The following PLCE1 variants were observed in gnomAD, a reference collection of about 807,000 sequenced individuals.
PLCE1 encodes phospholipase C epsilon 1, also known as 1-phosphatidylinositol 4,5-bisphosphate phosphodiesterase epsilon-1.
PLCE1 carries 119 observed loss-of-function variants against 242.8 expected under a neutral mutation model. That is an observed-to-expected ratio of 0.49 (90% CI 0.42 to 0.57). The LOEUF is 0.57. Ranked by LOEUF, PLCE1 falls within the 20% of genes least tolerant of loss-of-function variation. The pLI is 0.00. For synonymous variants in PLCE1, 945 were observed against 1,017.4 expected (o/e 0.93, Z 1.35); for missense variants, 2,441 against 2,788.8 (o/e 0.88, Z 2.81).
At chr10:94,066,804 A>G (rs778577509) in intron 2 of PLCE1, among the ~76,000 whole-genome samples, 2 of 152,160 alleles carry the variant, frequency 1.3e-5, no homozygotes, top group Non-Finnish European at 2.9e-5. Context: ...GATGACACAC[A>G]ATTTCATGGT....
chr10:94,140,103 C>T (rs2046907222), intron 3 of PLCE1, among the ~76,000 whole-genome samples: 2 of 151,870 alleles, frequency 1.3e-5, no homozygotes, highest in South Asian at 4.2e-4. Flanking sequence ...CTAAACTGTT[C>T]ATTTTTAACC....
At chr10:94,080,516 G>A (rs566215631) in intron 2 of PLCE1, among the ~76,000 whole-genome samples, 1 of 152,328 alleles carries the variant, frequency 6.6e-6, no homozygotes, top group South Asian at 2.1e-4. Flanking sequence ...TATTTGTGCA[G>A]TGAATGAACA....
At chr10:94,112,184 A>T (rs1326859932) in intron 2 of PLCE1, among the ~76,000 whole-genome samples, 4 of 152,180 alleles carry the variant, frequency 2.6e-5, no homozygotes, top group East Asian at 3.8e-4. Context: ...AATAAAATTT[A>T]AAATATTCTT....
chr10:94,291,815 C>T (rs554204393), intron 22 of PLCE1, among the ~76,000 whole-genome samples: 8 of 152,088 alleles, frequency 5.3e-5, no homozygotes, highest in Non-Finnish European at 8.8e-5. Context: ...AGTGAGCCAA[C>T]GGGGTAGATG....
chr10:94,166,234 A>T (rs1263841065), intron 3 of PLCE1, among the ~76,000 whole-genome samples: 2 of 152,160 alleles, frequency 1.3e-5, no homozygotes, highest in African/African-American at 4.8e-5. Context: ...GTTTCAGTAC[A>T]TATACATTTA....
At chr10:94,197,922 G>T (rs2048870758) in intron 4 of PLCE1, among the ~76,000 whole-genome samples, 1 of 138,568 alleles carries the variant, frequency 7.2e-6, no homozygotes, top group Non-Finnish European at 1.5e-5. Flanking sequence ...GGCGGAGGTT[G>T]CAGTGAGCCA....
At chr10:94,157,018 G>A (rs576174297) in intron 3 of PLCE1, among the ~76,000 whole-genome samples, 1 of 152,162 alleles carries the variant, frequency 6.6e-6, no homozygotes, top group East Asian at 1.9e-4. Context: ...TTTGGGGGGC[G>A]AGGTCTTTTT....
At position 94,306,570 on chromosome 10, in the gene PLCE1, G is replaced by C; in HGVS notation, c.5766G>C (p.Glu1922Asp). 6.2e-7 allele frequency: 1 copy of C among 1,614,098 alleles called. No homozygotes were observed. The highest frequency in any genetic ancestry group is 1.3e-5 in the African/African-American group (1 of 75,042). Residue 1922 changes from glutamate (E) to aspartate (D), a missense_variant, in exon 26 of 33, where the codon GAG (glutamate) becomes GAC (aspartate). Around this residue, in one of 5 missense-constraint regions of PLCE1, gnomAD observed 1,004 missense variants for 1,322.7 expected, o/e 0.76. Coordinates refer to ENST00000371380, the MANE Select transcript of PLCE1 (RefSeq NM_016341.4). This position sits in a 1 kb window ranked among gnomAD's most constrained non-coding sequence, Gnocchi z 5.7. ...ACACCCTGAACCCCATGTGGAACGA[G>C]CAGTTTCTGTTCCACGTTCACTTCG... ...HRNTLNPMWN[E>D]QFLFHVHFED...
chr10:94,000,883 A>G (rs2060918210), intron 1 of PLCE1, among the ~76,000 whole-genome samples: 1 of 152,174 alleles, frequency 6.6e-6, no homozygotes, highest in Non-Finnish European at 1.5e-5. Context: ...CCTATGAGAC[A>G]TTTTGTCTTT....
intron 22 of PLCE1, among the ~76,000 whole-genome samples, chr10:94,291,081 T>C (rs563925196): frequency 3.3e-5 from 5 of 152,324 alleles, no homozygotes; most frequent in Non-Finnish European, 5.9e-5. Context: ...ATTTCAAAGC[T>C]TCCAGACAGA....
chr10:94,290,056 T>C (rs2052592298), intron 22 of PLCE1, among the ~76,000 whole-genome samples: 1 of 152,084 alleles, frequency 6.6e-6, no homozygotes, highest in Admixed American at 6.5e-5. Flanking sequence ...AGACCTGGCC[T>C]TGCTCTGTCA....
intron 2 of PLCE1, among the ~76,000 whole-genome samples, chr10:94,122,140 G>A (rs975623775): frequency 4.6e-5 from 7 of 152,200 alleles, no homozygotes; most frequent in Admixed American, 1.3e-4. Flanking sequence ...ACAGCTTAGC[G>A]AGAACATTAC....
At chr10:94,069,698 A>G (rs1282405982) in intron 2 of PLCE1, among the ~76,000 whole-genome samples, 2 of 152,244 alleles carry the variant, frequency 1.3e-5, no homozygotes, top group African/African-American at 4.8e-5. Flanking sequence ...TCAGGTTAAT[A>G]TCCAAAGAGT....
At chr10:94,269,092 G>GTA in intron 17 of PLCE1, 56 bp downstream of exon 17, 3 of 388,788 alleles carry the variant, frequency 7.7e-6, no homozygotes, top group Non-Finnish European at 9.0e-6. Context: ...ATCTTCATTT[G>GTA]TCTTTTTTTT....
intron 2 of PLCE1, among the ~76,000 whole-genome samples, chr10:94,043,418 A>G (rs1432278130): frequency 6.6e-6 from 1 of 152,226 alleles, no homozygotes; most frequent in Non-Finnish European, 1.5e-5. Context: ...CCTATGTTTT[A>G]ATAGAATAAG....
chr10:94,134,390 C>T (rs1419859183), intron 3 of PLCE1, among the ~76,000 whole-genome samples: 1 of 152,168 alleles, frequency 6.6e-6, no homozygotes, highest in African/African-American at 2.4e-5. Flanking sequence ...TGAGCCACTG[C>T]ACATGGCCTT....
At chr10:94,056,825 G>A (rs1324161776) in intron 2 of PLCE1, among the ~76,000 whole-genome samples, 3 of 36,268 alleles carry the variant, frequency 8.3e-5, no homozygotes, top group Admixed American at 3.3e-4. Flanking sequence ...CCACCCACCC[G>A]TCCCTGGTAA....
In PLCE1 at chr10:94,308,518, C is replaced by T. The variant is rs1311025289; in HGVS notation, c.5885-63C>T. 3 of 1,161,400 alleles carry T rather than the reference C, an allele frequency of 2.6e-6. No individual in the cohort carries two copies. The South Asian group carries it at 3.6e-5, about 14-fold the overall frequency. The allele number at this position is 1,161,400 out of a possible 1,614,324, so 71.9% of individuals were successfully genotyped here. The stretch of plus-strand genomic sequence containing the variant: ...TTTCTACCTGTCATTTGCCGACTTC[C>T]AGGAGCATCTTCTTTTCAGTAGCCA... On this transcript the variant is annotated intron_variant, in intron 26 of 32. Coordinates refer to ENST00000371380, the MANE Select transcript of PLCE1 (RefSeq NM_016341.4).
intron 24 of PLCE1, among the ~76,000 whole-genome samples, chr10:94,303,372 G>A (rs1418155832): frequency 6.6e-6 from 1 of 152,172 alleles, no homozygotes; most frequent in Non-Finnish European, 1.5e-5. Flanking sequence ...GAGTGTGTAA[G>A]AGCCCAGAAA....
Sources: allele counts gnomAD v4.1 joint callset (sites outside exome capture counted in the v4.1 genomes callset), GRCh38; gene constraint gnomAD v4.1.1; regional missense constraint gnomAD v4.1.1; non-coding constraint Gnocchi (gnomAD v3.1); transcripts MANE v1.5; gene names NCBI Gene and HGNC (gene_info 2026-07-23, HGNC 2026-07-21).